The following DAB1 variants were observed in gnomAD, a reference collection of about 807,000 sequenced individuals.
DAB1 encodes the protein disabled homolog 1.
In DAB1, 15 loss-of-function variants were observed where a neutral mutation model predicts 64.6. The observed-to-expected ratio is 0.23, with a 90% confidence interval of 0.16 to 0.36. The LOEUF (loss-of-function observed/expected upper bound fraction) is 0.36, where lower values mean the gene tolerates loss of function less well. Ranked by LOEUF, DAB1 falls within the 10% of genes least tolerant of loss-of-function variation. The pLI is 1.00. For synonymous variants in DAB1, 235 were observed against 251.9 expected, an observed-to-expected ratio of 0.93 and a Z score of 0.64; for missense variants, 596 against 706.7, an observed-to-expected ratio of 0.84 and a Z score of 1.78.
Position 57,593,417 on chromosome 1 carries a change from T to C in DAB1, n.625+56175A>G, listed in dbSNP as rs528189160. ...TATCCATGCATCCATCAATGAACACTTGGGTTCTTCCACCTTTTGGTACTG... is the reference window on the plus strand; with the variant it reads ...TATCCATGCATCCATCAATGAACACCTGGGTTCTTCCACCTTTTGGTACTG... On this transcript the variant is annotated intron_variant and non_coding_transcript_variant, in intron 7 of 20. Coordinates refer to the DAB1 transcript ENST00000485760. Among the ~76,000 whole-genome samples, 5 of 152,324 alleles carry C rather than the reference T, an allele frequency of 3.3e-5. No homozygotes were observed. In the South Asian group the frequency reaches 8.3e-4, roughly 25 times the overall value.
intron 2 of DAB1, among the ~76,000 whole-genome samples, chr1:58,511,779 T>A (rs1646081095): frequency 6.6e-6 from 1 of 152,000 alleles, no homozygotes. Context: ...TAAAAATGGA[T>A]TAAAGATTTA....
intron 4 of DAB1, among the ~76,000 whole-genome samples, chr1:58,238,958 T>G (rs1660172086): frequency 1.3e-5 from 2 of 152,144 alleles, no homozygotes; most frequent in South Asian, 4.1e-4. Context: ...AGAGAGTAAC[T>G]TCTGGGGCAG....
At position 57,779,314 on chromosome 1, in the gene DAB1, T is replaced by C. The variant is rs112665201; in HGVS notation, n.551+104685A>G. On this transcript the variant is annotated intron_variant and non_coding_transcript_variant, in intron 6 of 20. Transcript: ENST00000485760. ...GAGGTGAGAATGAGCACATTTATTATAGAAACTGAAAGGCCAGCGTGACTG... is the reference window on the plus strand; with the variant it reads ...GAGGTGAGAATGAGCACATTTATTACAGAAACTGAAAGGCCAGCGTGACTG... Among the ~76,000 whole-genome samples, 1,368 of 152,132 alleles carry C rather than the reference T, an allele frequency of 9.0e-3. 12 individuals are homozygous for C. Among genetic ancestry groups the C allele is most frequent in the Non-Finnish European group, 0.013 (892 of 68,006 alleles).
chr1:57,139,846 C>A (rs766747338), intron 3 of DAB1, among the ~76,000 whole-genome samples: 1 of 152,144 alleles, frequency 6.6e-6, no homozygotes, highest in Non-Finnish European at 1.5e-5. Flanking sequence ...AGCCAACATA[C>A]ATGTTCCAGG....
At chr1:58,192,502 G>C (rs964498197) in intron 4 of DAB1, among the ~76,000 whole-genome samples, 4 of 152,064 alleles carry the variant, frequency 2.6e-5, no homozygotes, top group African/African-American at 9.7e-5. Flanking sequence ...CAAGTTATAA[G>C]TGAGACATGT....
intron 4 of DAB1, among the ~76,000 whole-genome samples, chr1:58,234,798 T>A (rs575506293): frequency 1.3e-5 from 2 of 152,168 alleles, no homozygotes; most frequent in East Asian, 3.9e-4. Flanking sequence ...TGGAGAGCCA[T>A]TGAAGGCTTG....
chr1:57,639,522 A>G (rs758643178), intron 7 of DAB1, among the ~76,000 whole-genome samples: 4 of 152,180 alleles, frequency 2.6e-5, no homozygotes, highest in Non-Finnish European at 5.9e-5. Context: ...GTAATTGAGC[A>G]GGATACTCAG....
At chr1:57,383,853 A>AT (rs927550417) in intron 1 of DAB1, among the ~76,000 whole-genome samples, 32 of 152,332 alleles carry the variant, frequency 2.1e-4, no homozygotes, top group African/African-American at 6.7e-4. Flanking sequence ...TTTAGCAACA[A>AT]TTTTTTGGAT....
intron 7 of DAB1, among the ~76,000 whole-genome samples, chr1:57,461,777 G>T (rs1396703450): frequency 1.3e-5 from 2 of 151,986 alleles, no homozygotes; most frequent in East Asian, 1.9e-4. Flanking sequence ...GTAATTATCT[G>T]TTAGGTTTCT....
At chr1:57,000,732 G>C (rs1645827331) in intron 14 of DAB1, among the ~76,000 whole-genome samples, 1 of 152,148 alleles carries the variant, frequency 6.6e-6, no homozygotes, top group African/African-American at 2.4e-5. Flanking sequence ...AATGTTTCCT[G>C]GATAGATGTT....
chr1:57,111,840 G>C (rs183075415), intron 4 of DAB1, among the ~76,000 whole-genome samples: 30 of 152,292 alleles, frequency 2.0e-4, no homozygotes, highest in African/African-American at 7.0e-4. Context: ...CATAGTTGCT[G>C]TATAGATAAA....
intron 6 of DAB1, among the ~76,000 whole-genome samples, chr1:57,737,337 G>T (rs556402510): frequency 6.6e-6 from 1 of 152,122 alleles, no homozygotes; most frequent in Admixed American, 6.5e-5. Context: ...ACTCACCACC[G>T]GAATATCATG....
rs1274713742 is a variant in DAB1, at chr1:57,967,581, T to C, written n.388-83419A>G. ...GGACAAGGTGTAGAGTTGGAAGATA[T>C]CTGGTGTTGATTCAGACAGAGCAGT... On this transcript the variant is annotated intron_variant and non_coding_transcript_variant, in intron 5 of 20. Transcript: ENST00000485760. Among the ~76,000 whole-genome samples the C allele has an allele frequency of 2.6e-5, 4 of 152,164 alleles. No individual in the cohort carries two copies. The East Asian group carries it at 5.8e-4, about 22-fold the overall frequency.
At chr1:57,612,418 G>T (rs1022974287) in intron 7 of DAB1, among the ~76,000 whole-genome samples, 3 of 152,046 alleles carry the variant, frequency 2.0e-5, no homozygotes, top group African/African-American at 4.8e-5. Context: ...GAATTATCTG[G>T]GTGGGCCCAA....
intron 7 of DAB1, among the ~76,000 whole-genome samples, chr1:57,547,754 C>T (rs1309171205): frequency 6.6e-6 from 1 of 152,114 alleles, no homozygotes; most frequent in Non-Finnish European, 1.5e-5. Context: ...CAAATAACGT[C>T]TATAGTTTAT....
chr1:58,436,666 T>C (rs533845207), intron 3 of DAB1, among the ~76,000 whole-genome samples: 1 of 152,270 alleles, frequency 6.6e-6, no homozygotes, highest in East Asian at 1.9e-4. Flanking sequence ...AAAGTAGAAA[T>C]ACTAGGAAGA....
At position 57,140,631 on chromosome 1, in the gene DAB1, G is replaced by A. The variant is rs550074406; in HGVS notation, c.208-3990C>T. 3.9e-5 allele frequency among the ~76,000 whole-genome samples: 6 copies of A among 152,286 alleles called. No homozygotes were observed. In the South Asian group the frequency reaches 1.0e-3, roughly 26 times the overall value. On this transcript the variant is annotated intron_variant, in intron 3 of 14. Coordinates refer to ENST00000371236, the MANE Select transcript of DAB1 (RefSeq NM_001365792.1). ...ACCCCAAAATGAGAATAATATTCAC[G>A]TTTCTCACCTCATAAGAGTGTTGGG...
At chr1:57,380,102 G>A (rs565933746) in intron 1 of DAB1, among the ~76,000 whole-genome samples, 4 of 152,262 alleles carry the variant, frequency 2.6e-5, no homozygotes, top group Admixed American at 1.3e-4. Flanking sequence ...TATTTATTGA[G>A]CACCTACTTG....
chr1:58,542,374 A>C (rs1646636084), intron 1 of DAB1: 3 of 152,256 alleles, frequency 2.0e-5, no homozygotes, highest in Admixed American at 6.5e-5. Context: ...TATGCAGCAC[A>C]GAATATAGTC....
Sources: gnomAD v4.1 joint callset for allele counts (sites outside exome capture counted in the v4.1 genomes callset) on GRCh38, gnomAD v4.1.1 for gene constraint, MANE v1.5 for transcripts, NCBI Gene and HGNC (gene_info 2026-07-23, HGNC 2026-07-21) for gene names.